Variants in LUC7L observed in about 807,000 individuals in gnomAD.
LUC7L encodes the protein LUC7 like.
In LUC7L, 29 loss-of-function variants were observed where a neutral mutation model predicts 51.1. That is an observed-to-expected ratio of 0.57 (90% CI 0.42 to 0.77). LUC7L has a LOEUF of 0.77. LUC7L is among the 30% of genes least tolerant of loss of function. The probability of loss-of-function intolerance (pLI) is 0.00; values close to 1 mark genes in which losing one functional copy is unlikely to be tolerated. For synonymous variants in LUC7L, 181 were observed against 180.7 expected (o/e 1.00, Z -0.01); for missense variants, 403 against 511.9 (o/e 0.79, Z 2.05).
intron 3 of LUC7L, among the ~76,000 whole-genome samples, chr16:215,936 C>G (rs2049783144): frequency 6.6e-6 from 1 of 151,924 alleles, no homozygotes; most frequent in African/African-American, 2.4e-5. Flanking sequence ...CTCAAGTGAT[C>G]CTTCACTTTT....
chr16:218,558 T>C (rs1255790148), intron 3 of LUC7L, among the ~76,000 whole-genome samples: 5 of 151,786 alleles, frequency 3.3e-5, no homozygotes, highest in Non-Finnish European at 7.4e-5. Context: ...ACATCTCTAC[T>C]AAAAATACAA....
rs372906826 is a variant in LUC7L, at chr16:221,186, ATTTTTTTTTTTTTTTTT to A, written c.157-456_157-440del. On this transcript the variant is annotated intron_variant, in intron 2 of 9. Transcript: ENST00000293872. Reference sequence around the variant, plus strand: ...AGGCACGTGATACCACACCCAGCTAATTTTTTTTTTTTTTTTTTTTTTTTTTTTTTGTATTTTCAGTA... The same window carrying A: ...AGGCACGTGATACCACACCCAGCTAATTTTTTTTTTTTTGTATTTTCAGTA... Among the ~76,000 whole-genome samples the A allele has an allele frequency of 7.7e-3, 782 of 101,266 alleles. 9 individuals carry two copies. The highest frequency in any genetic ancestry group is 0.028 in the African/African-American group (758 of 26,920). The allele number at this position is 101,266 out of a possible 152,430, so 66.4% of individuals were successfully genotyped here. A position where few individuals can be genotyped will look rare whatever the true frequency, so the allele number is the denominator to read the frequency against.
intron 6 of LUC7L, among the ~76,000 whole-genome samples, chr16:194,914 C>A (rs1304838206): frequency 6.6e-6 from 1 of 152,116 alleles, no homozygotes; most frequent in East Asian, 1.9e-4. Context: ...CAAGTCAGAG[C>A]CAGTAAGACA....
At chr16:212,668 T>A (rs2049677449) in intron 3 of LUC7L, among the ~76,000 whole-genome samples, 1 of 152,098 alleles carries the variant, frequency 6.6e-6, no homozygotes, top group African/African-American at 2.4e-5. Flanking sequence ...TTTTGAAAAC[T>A]TTTCAAAACA....
At chr16:196,525 AC>A (rs2049153866) in intron 6 of LUC7L, among the ~76,000 whole-genome samples, 1 of 54,342 alleles carries the variant, frequency 1.8e-5, no homozygotes, top group Non-Finnish European at 6.2e-5. Flanking sequence ...CCAGTGGCTA[AC>A]AAACAATTTT....
intron 5 of LUC7L, among the ~76,000 whole-genome samples, chr16:202,840 T>C (rs1394646921): frequency 1.3e-5 from 2 of 152,134 alleles, no homozygotes; most frequent in Non-Finnish European, 2.9e-5. Context: ...ATAAACTAGA[T>C]GAAATGGACC....
intron 5 of LUC7L, among the ~76,000 whole-genome samples, chr16:203,893 A>AT (rs1360158313): frequency 4.5e-4 from 68 of 150,982 alleles, no homozygotes; most frequent in African/African-American, 1.6e-3. Flanking sequence ...GCACACGCCT[A>AT]TAGTCTCAGC....
chr16:198,899 C>T (rs761086938), intron 6 of LUC7L, among the ~76,000 whole-genome samples, 163 bp downstream of exon 6: 4 of 152,146 alleles, frequency 2.6e-5, no homozygotes, highest in South Asian at 2.1e-4. Context: ...AGGCTGGTCT[C>T]GAACTCCTGA....
intron 5 of LUC7L, among the ~76,000 whole-genome samples, chr16:201,311 ACT>A (rs2049321769): frequency 6.7e-6 from 1 of 150,296 alleles, no homozygotes; most frequent in Non-Finnish European, 1.5e-5. Context: ...TCATAACATT[ACT>A]CTGTCCCCTT....
intron 3 of LUC7L, among the ~76,000 whole-genome samples, chr16:218,216 A>G (rs1471555447): frequency 6.6e-6 from 1 of 151,652 alleles, no homozygotes; most frequent in Non-Finnish European, 1.5e-5. Context: ...GGAAGAATTT[A>G]CTGTAAAACG....
chr16:197,338 G>A (rs1417564503), intron 6 of LUC7L, among the ~76,000 whole-genome samples: 7 of 148,338 alleles, frequency 4.7e-5, no homozygotes, highest in African/African-American at 7.5e-5. Context: ...TCAGCCTCCC[G>A]AGTAGCCAGG....
chr16:193,764 A>G (rs553494514), intron 6 of LUC7L, among the ~76,000 whole-genome samples: 1 of 150,738 alleles, frequency 6.6e-6, no homozygotes, highest in South Asian at 2.1e-4. Context: ...AAGTGCAGCA[A>G]TTACAGGCGT....
intron 2 of LUC7L, among the ~76,000 whole-genome samples, chr16:226,309 A>G (rs2050132270): frequency 6.6e-6 from 1 of 152,218 alleles, no homozygotes; most frequent in African/African-American, 2.4e-5. Flanking sequence ...ATGAGAGGAT[A>G]GTTTTTAACC....
chr16:227,800 G>A (rs1237987059), intron 1 of LUC7L: 2 of 998,792 alleles, frequency 2.0e-6, no homozygotes, highest in Admixed American at 5.5e-5. Context: ...GAATGAAGAA[G>A]AAAGCTTTCA....
chr16:189,432 G>A (rs2048950060), intron 9 of LUC7L, 93 bp from the exon 10 acceptor site: 2 of 1,477,786 alleles, frequency 1.4e-6, no homozygotes, highest in Non-Finnish European at 1.8e-6. Flanking sequence ...ACCAGGCCAG[G>A]CAAGGCCCTA....
chr16:223,629 T>C (rs1489977809), intron 2 of LUC7L, among the ~76,000 whole-genome samples: 1 of 152,118 alleles, frequency 6.6e-6, no homozygotes, highest in East Asian at 1.9e-4. Flanking sequence ...TTAAAATCAC[T>C]GTCACTGAAA....
chr16:205,781 G>A (rs566850708), intron 5 of LUC7L, among the ~76,000 whole-genome samples: 4 of 152,212 alleles, frequency 2.6e-5, no homozygotes, highest in East Asian at 3.9e-4. Context: ...TAGTAGAGAC[G>A]GGGATTCGCT....
At chr16:193,970 A>T (rs1243914828) in intron 6 of LUC7L, among the ~76,000 whole-genome samples, 5 of 151,086 alleles carry the variant, frequency 3.3e-5, no homozygotes, top group Admixed American at 2.6e-4. Context: ...CGCCCGGCTA[A>T]TTTTTTGTAT....
At chr16:192,084 A>G (rs2049024690) in intron 7 of LUC7L, among the ~76,000 whole-genome samples, 1 of 151,932 alleles carries the variant, frequency 6.6e-6, no homozygotes, top group Non-Finnish European at 1.5e-5. Context: ...CACCACACCC[A>G]GCCTTCCAAC....
Sources: gnomAD v4.1 joint callset for allele counts (sites outside exome capture counted in the v4.1 genomes callset) on GRCh38, gnomAD v4.1.1 for gene constraint, MANE v1.5 for transcripts, NCBI Gene and HGNC (gene_info 2026-07-23, HGNC 2026-07-21) for gene names.